TRPM3: variants seen among roughly 807,000 people sequenced by gnomAD.
The protein encoded by TRPM3 is transient receptor potential cation channel subfamily M member 3.
Under a neutral mutation model 181.2 loss-of-function variants are expected in TRPM3, and 77 were observed. The ratio of observed to expected loss-of-function variants is 0.42; its 90% CI spans 0.35 to 0.51. The LOEUF is 0.51. Among genes scored for constraint, TRPM3 ranks in the 20% least tolerant of loss-of-function variants. The pLI is 0.01. For missense variants in TRPM3, 1,759 were observed against 2,196.7 expected (o/e 0.80, Z 3.98); for synonymous variants, 745 against 796.4 (o/e 0.94, Z 1.09).
upstream of TRPM3, among the ~76,000 whole-genome samples, chr9:71,126,435 A>T (rs1212451067): frequency 6.6e-6 from 1 of 152,168 alleles, no homozygotes; most frequent in Non-Finnish European, 1.5e-5. Flanking sequence ...CTTCCTTTTA[A>T]CTTTACTCCA....
At chr9:70,979,761 T>C (rs2134007039) in intron 1 of TRPM3, among the ~76,000 whole-genome samples, 1 of 152,180 alleles carries the variant, frequency 6.6e-6, no homozygotes, top group Admixed American at 6.5e-5. Flanking sequence ...TTTCTCACAG[T>C]TCTGGAGGCT....
intron 1 of TRPM3, among the ~76,000 whole-genome samples, chr9:70,880,843 T>C (rs957456545): frequency 6.6e-6 from 1 of 152,148 alleles, no homozygotes; most frequent in Non-Finnish European, 1.5e-5. Flanking sequence ...CAATTAGTGC[T>C]TCTGTTCTTA....
intron 1 of TRPM3, among the ~76,000 whole-genome samples, chr9:70,947,672 A>G (rs2096950203): frequency 6.6e-6 from 1 of 152,162 alleles, no homozygotes; most frequent in Non-Finnish European, 1.5e-5. Context: ...CAATAAGGAA[A>G]GCTGCCCTAC....
intron 9 of TRPM3, among the ~76,000 whole-genome samples, chr9:70,676,581 AAGGC>A (rs1430735462): frequency 6.6e-6 from 1 of 152,186 alleles, no homozygotes; most frequent in African/African-American, 2.4e-5. Context: ...TGCTGTGATT[AAGGC>A]AGGGCCAGCT....
chr9:71,401,640 T>C (rs777597023), intron 1 of TRPM3, among the ~76,000 whole-genome samples: 10 of 152,184 alleles, frequency 6.6e-5, no homozygotes, highest in Non-Finnish European at 1.3e-4. Context: ...AGCAGTTTTG[T>C]AATAATATTA....
chr9:70,861,933 CGG>C (rs1377973984), intron 3 of TRPM3, among the ~76,000 whole-genome samples: 2 of 4,126 alleles, frequency 4.8e-4, no homozygotes, highest in African/African-American at 1.2e-3. Flanking sequence ...ACTGCAGTGG[CGG>C]GGGTGGGGGG....
chr9:71,322,527 C>T (rs1210599299), intron 1 of TRPM3, among the ~76,000 whole-genome samples: 1 of 151,976 alleles, frequency 6.6e-6, no homozygotes, highest in Non-Finnish European at 1.5e-5. Flanking sequence ...TAGACTATAC[C>T]AGCATGCTCT....
At chr9:71,047,728 A>G (rs1339422974) in intron 1 of TRPM3, among the ~76,000 whole-genome samples, 1 of 152,118 alleles carries the variant, frequency 6.6e-6, no homozygotes, top group Non-Finnish European at 1.5e-5. Context: ...GTTCCATAGT[A>G]GAAACTACAA....
intron 3 of TRPM3, among the ~76,000 whole-genome samples, chr9:70,854,248 G>A (rs1318638371): frequency 6.6e-6 from 1 of 152,184 alleles, no homozygotes; most frequent in Non-Finnish European, 1.5e-5. Context: ...TTTGTCCCCT[G>A]AGCATTACTC....
Position 71,133,292 on chromosome 9 carries a change from C to CTTTTTTTTTTTTTTTTTTT in TRPM3, c.184-268800_184-268782dup, listed in dbSNP as rs761379173. ...CATTTGTAATTCTTCTAGCAAATTG[C>CTTTTTTTTTTTTTTTTTTT]TTTTTTTTTTTTTTTTTTTGAGACA... On this transcript the variant is annotated intron_variant, in intron 1 of 24. Transcript: ENST00000357533. 9.3e-4 allele frequency among the ~76,000 whole-genome samples: 67 copies of CTTTTTTTTTTTTTTTTTTT among 72,332 alleles called. 12 individuals are homozygous for CTTTTTTTTTTTTTTTTTTT. Among genetic ancestry groups the CTTTTTTTTTTTTTTTTTTT allele is most frequent in the East Asian group, 1.5e-3 (3 of 2,066 alleles). 47.5% of individuals were successfully genotyped at this position (72,332 alleles called of 152,430 possible). A position where few individuals can be genotyped will look rare whatever the true frequency, so the allele number is the denominator to read the frequency against.
upstream of TRPM3, among the ~76,000 whole-genome samples, chr9:71,122,624 T>C (rs1328060578): frequency 2.0e-5 from 3 of 152,174 alleles, no homozygotes; most frequent in African/African-American, 7.2e-5. Context: ...AGAGCTGAAC[T>C]GGGAGTGGTG....
intron 9 of TRPM3, among the ~76,000 whole-genome samples, chr9:70,679,666 C>A (rs1379159966): frequency 6.6e-6 from 1 of 152,060 alleles, no homozygotes; most frequent in African/African-American, 2.4e-5. Flanking sequence ...GCTCTATGCC[C>A]CAATTTCCTT....
chr9:70,898,747 C>CAAAAA (rs34952516), intron 1 of TRPM3, among the ~76,000 whole-genome samples: 155 of 92,542 alleles, frequency 1.7e-3, no homozygotes, highest in Non-Finnish European at 2.0e-3. Flanking sequence ...GACTTCATCT[C>CAAAAA]AAAAAAAAAA....
intron 8 of TRPM3, among the ~76,000 whole-genome samples, chr9:70,747,715 G>C (rs76929424): frequency 0.18 from 26,945 of 151,038 alleles, 2,626 homozygotes; most frequent in South Asian, 0.28. Flanking sequence ...GACTGTATCT[G>C]GTATGCAAAA....
chr9:70,877,024 G>C (rs1226543888), intron 1 of TRPM3, among the ~76,000 whole-genome samples: 1 of 151,806 alleles, frequency 6.6e-6, no homozygotes, highest in Non-Finnish European at 1.5e-5. Context: ...TGTTTGTATT[G>C]TACAGTTTTA....
intron 1 of TRPM3, among the ~76,000 whole-genome samples, chr9:71,233,927 C>T (rs2081216801): frequency 6.6e-6 from 1 of 152,166 alleles, no homozygotes; most frequent in South Asian, 2.1e-4. Context: ...AGGTCCCTTC[C>T]TTAATTATTA....
At chr9:70,551,406 C>T (rs1399420484) in intron 24 of TRPM3, among the ~76,000 whole-genome samples, 1 of 152,182 alleles carries the variant, frequency 6.6e-6, no homozygotes, top group Non-Finnish European at 1.5e-5. Context: ...AGTAACCTGG[C>T]AATGCTTTCG....
rs1038415852 is a variant in TRPM3, at chr9:70,747,491, A to G, written c.1272+14110T>C. 2.0e-5 allele frequency among the ~76,000 whole-genome samples: 3 copies of G among 152,172 alleles called. No homozygotes were observed. In the East Asian group the frequency reaches 5.8e-4, roughly 29 times the overall value. ...TTTGGACTGAAACTGCAGGCAAAAC[A>G]TTCTACTTTACGTTCAAAAGAGTGA... On this transcript the variant is annotated intron_variant, in intron 8 of 25. Transcript: ENST00000677713.
chr9:70,958,999 T>G (rs2097108723), intron 1 of TRPM3, among the ~76,000 whole-genome samples: 1 of 118,054 alleles, frequency 8.5e-6, no homozygotes, highest in Non-Finnish European at 1.7e-5. Context: ...CTCTGGGGAC[T>G]GTTGTGGGGT....
Sources: allele counts gnomAD v4.1 joint callset (sites outside exome capture counted in the v4.1 genomes callset), GRCh38; gene constraint gnomAD v4.1.1; transcripts MANE v1.5; gene names NCBI Gene and HGNC (gene_info 2026-07-23, HGNC 2026-07-21).